The following PTPRT variants were observed in gnomAD, a reference collection of about 807,000 sequenced individuals.
PTPRT encodes receptor-type tyrosine-protein phosphatase T.
A neutral mutation model predicts 176.8 loss-of-function variants in PTPRT; 56 were observed. That is an observed-to-expected ratio of 0.32 (90% CI 0.26 to 0.40). The LOEUF (loss-of-function observed/expected upper bound fraction) is 0.40, where lower values mean the gene tolerates loss of function less well. Among genes scored for constraint, PTPRT ranks in the 10% least tolerant of loss-of-function variants. The probability of loss-of-function intolerance (pLI) is 1.00; values close to 1 mark genes in which losing one functional copy is unlikely to be tolerated. For missense variants in PTPRT, 1,540 were observed against 1,908.2 expected, an observed-to-expected ratio of 0.81 and a Z score of 3.60; for synonymous variants, 783 against 739.0, an observed-to-expected ratio of 1.06 and a Z score of -0.96.
At chr20:42,720,364 T>C (rs4810370) in intron 6 of PTPRT, among the ~76,000 whole-genome samples, 12,586 of 152,232 alleles carry the variant, frequency 0.083, 595 homozygotes, top group South Asian at 0.17. Context: ...CACATGGTTG[T>C]GTCTGACTGG....
intron 1 of PTPRT, among the ~76,000 whole-genome samples, chr20:43,145,425 AG>A (rs1488344417): frequency 1.3e-5 from 2 of 152,346 alleles, no homozygotes; most frequent in Middle Eastern, 3.4e-3. Context: ...CAAATGGCAT[AG>A]GCTTCTTAAG....
chr20:42,474,570 A>T (rs1029191327), intron 7 of PTPRT, among the ~76,000 whole-genome samples: 1 of 152,140 alleles, frequency 6.6e-6, no homozygotes, highest in African/African-American at 2.4e-5. Context: ...CCCCAAATCA[A>T]ATGGGTGACC....
chr20:42,140,778 G>T (rs1988586350), intron 18 of PTPRT, among the ~76,000 whole-genome samples: 1 of 152,150 alleles, frequency 6.6e-6, no homozygotes, highest in African/African-American at 2.4e-5. Flanking sequence ...AGTACCCAGT[G>T]AATCCTGGTT....
chr20:43,090,482 A>G (rs935514092), intron 1 of PTPRT, among the ~76,000 whole-genome samples: 6 of 152,142 alleles, frequency 3.9e-5, no homozygotes, highest in East Asian at 1.9e-4. Flanking sequence ...TTTAGCCAGG[A>G]TGGTCTTGAT....
rs2057966166 is a variant in PTPRT at position 42,331,662 on chromosome 20, A to T, written c.1866-15666T>A. On this transcript the variant is annotated intron_variant, in intron 11 of 30. Coordinates refer to ENST00000373187, the MANE Select transcript of PTPRT (RefSeq NM_007050.6). ...GATTGCAGAAGTGCAATGAGGTGAA[A>T]ATCGTGTATGCACAGAGAATTGGAG... 1.3e-5 allele frequency among the ~76,000 whole-genome samples: 2 copies of T among 152,176 alleles called. 1 individual carries two copies. Among genetic ancestry groups the T allele is most frequent in the South Asian group, 4.1e-4 (2 of 4,836 alleles).
At chr20:42,144,650 G>A (rs1489962616) in intron 17 of PTPRT, among the ~76,000 whole-genome samples, 2 of 152,190 alleles carry the variant, frequency 1.3e-5, no homozygotes, top group African/African-American at 4.8e-5. Flanking sequence ...AGCTGCAGAA[G>A]CATGATTATC....
intron 1 of PTPRT, among the ~76,000 whole-genome samples, chr20:43,102,377 G>A (rs1394459919): frequency 6.6e-6 from 1 of 151,190 alleles, no homozygotes; most frequent in Non-Finnish European, 1.5e-5. Flanking sequence ...ACTAGTTTTG[G>A]AAAATAAAAT....
At chr20:42,324,902 T>G (rs1165293832) in intron 11 of PTPRT, among the ~76,000 whole-genome samples, 1 of 152,200 alleles carries the variant, frequency 6.6e-6, no homozygotes, top group Non-Finnish European at 1.5e-5. Context: ...CAGATTAGTG[T>G]CAGAATTAGT....
chr20:42,267,362 T>C (rs1208674499), intron 13 of PTPRT, among the ~76,000 whole-genome samples: 1 of 152,204 alleles, frequency 6.6e-6, no homozygotes, highest in Non-Finnish European at 1.5e-5. Context: ...ATTTTCAACT[T>C]ATGGTACATT....
chr20:42,497,717 T>C (rs1262388038), intron 7 of PTPRT, among the ~76,000 whole-genome samples: 1 of 152,162 alleles, frequency 6.6e-6, no homozygotes, highest in East Asian at 1.9e-4. Context: ...TGCCTTTTAC[T>C]CCAATGATAT....
chr20:42,745,263 C>T (rs2076675344), intron 6 of PTPRT, among the ~76,000 whole-genome samples: 2 of 152,184 alleles, frequency 1.3e-5, no homozygotes, highest in African/African-American at 4.8e-5. Flanking sequence ...TGGCCAGAGG[C>T]CCACAGAGGA....
intron 6 of PTPRT, among the ~76,000 whole-genome samples, chr20:42,691,921 T>C (rs947299030): frequency 6.6e-6 from 1 of 152,142 alleles, no homozygotes; most frequent in African/African-American, 2.4e-5. Context: ...AAAAGGTAAA[T>C]ATATTGTTTA....
At chr20:42,808,189 C>T (rs1489667160) in intron 2 of PTPRT, among the ~76,000 whole-genome samples, 1 of 152,304 alleles carries the variant, frequency 6.6e-6, no homozygotes, top group Middle Eastern at 3.4e-3. Context: ...CACTTCCTCC[C>T]GCAGCCTGCT....
At chr20:42,495,653 T>C (rs1169190339) in intron 7 of PTPRT, among the ~76,000 whole-genome samples, 2 of 152,176 alleles carry the variant, frequency 1.3e-5, no homozygotes, top group Non-Finnish European at 2.9e-5. Context: ...GGTAGCTCAA[T>C]TCTAAAAGAA....
chr20:42,609,794 T>TC (rs1446696248), intron 7 of PTPRT, among the ~76,000 whole-genome samples: 4 of 151,806 alleles, frequency 2.6e-5, no homozygotes, highest in Non-Finnish European at 5.9e-5. Context: ...TGACCCCCAC[T>TC]CCCCCCAGGG....
At chr20:43,090,912 G>A (rs905508020) in intron 1 of PTPRT, among the ~76,000 whole-genome samples, 4 of 152,032 alleles carry the variant, frequency 2.6e-5, no homozygotes, top group South Asian at 2.1e-4. Context: ...ATCAAGTGCC[G>A]AACAGGATAA....
intron 1 of PTPRT, among the ~76,000 whole-genome samples, chr20:43,141,505 C>A (rs904886860): frequency 6.6e-6 from 1 of 152,236 alleles, no homozygotes; most frequent in East Asian, 1.9e-4. Flanking sequence ...TAAACAAGCC[C>A]CAGACACAAG....
downstream of PTPRT, among the ~76,000 whole-genome samples, chr20:42,071,450 A>T (rs1320969635): frequency 6.6e-6 from 1 of 152,088 alleles, no homozygotes; most frequent in Admixed American, 6.6e-5. Flanking sequence ...TAATTTTAGC[A>T]TGTATTATAA....
intron 1 of PTPRT, among the ~76,000 whole-genome samples, chr20:42,999,540 G>A (rs866341280): frequency 3.9e-5 from 6 of 152,086 alleles, no homozygotes; most frequent in African/African-American, 7.2e-5. Context: ...TGGGCCACTG[G>A]AGGCCAGGGG....
Sources: allele counts gnomAD v4.1 joint callset (sites outside exome capture counted in the v4.1 genomes callset), GRCh38; gene constraint gnomAD v4.1.1; transcripts MANE v1.5; gene names NCBI Gene and HGNC (gene_info 2026-07-23, HGNC 2026-07-21).